BANK1: variants seen among roughly 807,000 people sequenced by gnomAD.
BANK1 encodes the protein B cell scaffold protein with ankyrin repeats 1, also known as B-cell scaffold protein with ankyrin repeats.
BANK1 carries 95 observed loss-of-function variants against 94.5 expected under a neutral mutation model. The ratio of observed to expected loss-of-function variants is 1.00; its 90% CI spans 0.85 to 1.19. BANK1 has a LOEUF of 1.19. Ranked by LOEUF, BANK1 falls within the 50% of genes most tolerant of loss-of-function variation. The pLI is 0.00. For synonymous variants in BANK1, 334 were observed against 308.4 expected (o/e 1.08, Z -0.87); for missense variants, 987 against 932.2 (o/e 1.06, Z -0.77).
chr4:101,901,947 A>T (rs1722300752), intron 6 of BANK1, among the ~76,000 whole-genome samples: 5 of 152,044 alleles, frequency 3.3e-5, no homozygotes, highest in Admixed American at 3.3e-4. Flanking sequence ...TTTTTAGTAG[A>T]GACAGGGTTT....
At chr4:101,853,041 A>ATGTG (rs1018214345) in intron 2 of BANK1, among the ~76,000 whole-genome samples, 1 of 152,150 alleles carries the variant, frequency 6.6e-6, no homozygotes, top group African/African-American at 2.4e-5. Flanking sequence ...GTGTATGTCT[A>ATGTG]TGTGTGTGTG....
chr4:102,006,131 A>T (rs1224262020), intron 7 of BANK1, among the ~76,000 whole-genome samples: 2 of 152,034 alleles, frequency 1.3e-5, no homozygotes, highest in African/African-American at 4.8e-5. Context: ...TATGCCAAGA[A>T]CTAGTTCATC....
At chr4:101,970,799 A>G (rs1364067410) in intron 7 of BANK1, among the ~76,000 whole-genome samples, 1 of 152,120 alleles carries the variant, frequency 6.6e-6, no homozygotes, top group African/African-American at 2.4e-5. Context: ...GAAGATCAGT[A>G]GAATCTGGTT....
intron 13 of BANK1, among the ~76,000 whole-genome samples, chr4:102,064,587 G>T (rs1372072427): frequency 1.3e-5 from 2 of 152,004 alleles, no homozygotes; most frequent in Non-Finnish European, 2.9e-5. Context: ...CAAAATCAAT[G>T]CTCTTAATTA....
chr4:101,991,829 G>T (rs1725720299), intron 7 of BANK1, among the ~76,000 whole-genome samples: 1 of 152,198 alleles, frequency 6.6e-6, no homozygotes, highest in Non-Finnish European at 1.5e-5. Context: ...GTGTGTATTT[G>T]CACATACATG....
intron 7 of BANK1, among the ~76,000 whole-genome samples, chr4:101,991,304 T>C (rs1725697168): frequency 6.6e-6 from 1 of 152,232 alleles, no homozygotes; most frequent in African/African-American, 2.4e-5. Flanking sequence ...TTGATTATAG[T>C]AGCTTTTAAA....
chr4:101,838,666 G>C (rs1212155090), intron 2 of BANK1, among the ~76,000 whole-genome samples: 1 of 152,022 alleles, frequency 6.6e-6, no homozygotes, highest in Non-Finnish European at 1.5e-5. Context: ...CAAGACAGTT[G>C]GTATCCTGAA....
At chr4:102,025,911 C>T (rs564273706) in intron 9 of BANK1, among the ~76,000 whole-genome samples, 1 of 152,312 alleles carries the variant, frequency 6.6e-6, no homozygotes, top group African/African-American at 2.4e-5. Context: ...TACAACATTG[C>T]TTTTAAAACA....
intron 6 of BANK1, among the ~76,000 whole-genome samples, chr4:101,913,571 C>G (rs1211538509): frequency 6.6e-6 from 1 of 152,168 alleles, no homozygotes; most frequent in Non-Finnish European, 1.5e-5. Context: ...TTGCCTACTT[C>G]TCTCTGGCGA....
At chr4:102,043,562 T>C (rs1727774198) in intron 10 of BANK1, among the ~76,000 whole-genome samples, 1 of 152,062 alleles carries the variant, frequency 6.6e-6, no homozygotes, top group Admixed American at 6.6e-5. Context: ...TCTTACCTGA[T>C]ATCAAAATGG....
intron 1 of BANK1, among the ~76,000 whole-genome samples, chr4:101,808,666 A>G (rs911874597): frequency 1.3e-5 from 2 of 152,186 alleles, no homozygotes; most frequent in Non-Finnish European, 2.9e-5. Context: ...CAAGAAAAAA[A>G]AAAATCCCAT....
At chr4:101,955,850 G>A (rs938714960) in intron 7 of BANK1, among the ~76,000 whole-genome samples, 2 of 152,084 alleles carry the variant, frequency 1.3e-5, no homozygotes, top group Non-Finnish European at 2.9e-5. Context: ...GTTTCCTGAG[G>A]CACAGCACTG....
chr4:101,873,175 AAC>A (rs1158568340), intron 5 of BANK1, among the ~76,000 whole-genome samples: 1 of 152,180 alleles, frequency 6.6e-6, no homozygotes, highest in African/African-American at 2.4e-5. Flanking sequence ...CTGTATTGAA[AAC>A]ACAATGTAAA....
chr4:101,878,041 A>G (rs1211255922), intron 5 of BANK1, among the ~76,000 whole-genome samples: 3 of 152,192 alleles, frequency 2.0e-5, no homozygotes, highest in Admixed American at 1.3e-4. Flanking sequence ...AGAAAGAAGG[A>G]CAAAAAGGCC....
intron 1 of BANK1, among the ~76,000 whole-genome samples, chr4:101,822,368 G>GA (rs200333516): frequency 0.027 from 3,773 of 142,328 alleles, 70 homozygotes; most frequent in East Asian, 0.064. Context: ...CAGAAAAAAA[G>GA]AAAAAAAAAA....
intron 7 of BANK1, among the ~76,000 whole-genome samples, chr4:101,924,966 G>T (rs1247967770): frequency 2.0e-5 from 3 of 151,404 alleles, no homozygotes; most frequent in Non-Finnish European, 4.4e-5. Context: ...TGAATAATTA[G>T]TATTTTAAAA....
chr4:101,952,333 A>G (rs1201237931), intron 7 of BANK1, among the ~76,000 whole-genome samples: 1 of 152,146 alleles, frequency 6.6e-6, no homozygotes, highest in Admixed American at 6.6e-5. Flanking sequence ...CTTATTGTAA[A>G]TCAAATCTAA....
At chr4:101,906,668 G>T (rs1398908194) in intron 6 of BANK1, among the ~76,000 whole-genome samples, 2 of 152,122 alleles carry the variant, frequency 1.3e-5, no homozygotes, top group Non-Finnish European at 2.9e-5. Flanking sequence ...GTGTGAAAAA[G>T]TTCCAAAGTG....
chr4:101,839,712 T>G (rs1726959233), intron 2 of BANK1, among the ~76,000 whole-genome samples: 1 of 152,050 alleles, frequency 6.6e-6, no homozygotes. Flanking sequence ...GCTTCATTAT[T>G]CACAATGACC....
Sources: gnomAD v4.1 joint callset for allele counts (sites outside exome capture counted in the v4.1 genomes callset) on GRCh38, gnomAD v4.1.1 for gene constraint, MANE v1.5 for transcripts, NCBI Gene and HGNC (gene_info 2026-07-23, HGNC 2026-07-21) for gene names.